Variants in DYNC2I1 observed in about 807,000 individuals in gnomAD.
DYNC2I1 encodes dynein 2 intermediate chain 1, also known as cytoplasmic dynein 2 intermediate chain 1.
DYNC2I1 carries 89 observed loss-of-function variants against 133.4 expected under a neutral mutation model. The observed-to-expected ratio is 0.67, with a 90% CI of 0.56 to 0.80. The LOEUF is 0.80. Among genes scored for constraint, DYNC2I1 ranks in the 30% least tolerant of loss-of-function variants. The pLI, the probability that DYNC2I1 is intolerant of heterozygous loss-of-function variation, is 0.00. For synonymous variants in DYNC2I1, 504 were observed against 484.3 expected (o/e 1.04, Z -0.54); for missense variants, 1,291 against 1,314.5 (o/e 0.98, Z 0.28).
At chr7:158,861,186 CCTT>C (rs1349642783) in intron 1 of DYNC2I1, among the ~76,000 whole-genome samples, 2 of 152,218 alleles carry the variant, frequency 1.3e-5, no homozygotes, top group Non-Finnish European at 2.9e-5. Context: ...AATTATGAAT[CCTT>C]CTCTGTCCTT....
Position 158,871,359 on chromosome 7 carries a change from C to G in DYNC2I1, c.287C>G (p.Ala96Gly), listed in dbSNP as rs774947834. 5 of 1,551,802 alleles carry G rather than the reference C, an allele frequency of 3.2e-6. No homozygotes were observed. The highest frequency in any genetic ancestry group is 4.4e-6 in the Non-Finnish European group (5 of 1,147,142). ...RDRQRERRRD[A>G]KDREKEKLKE... Reference sequence around the variant, plus strand: ...AGACAGAGGGAGAGGAGAAGAGACGCAAAAGACCGGGAGAAAGAAAAGCTG... The same window carrying G: ...AGACAGAGGGAGAGGAGAAGAGACGGAAAAGACCGGGAGAAAGAAAAGCTG... The change falls in exon 3 of 25, where the codon GCA (alanine) becomes GGA (glycine). Residue 96 changes from alanine to glycine, a missense_variant. Physicochemically the swap from Ala to Gly is moderately conservative, Grantham distance 60 (BLOSUM62 0). Coordinates refer to ENST00000407559, the MANE Select transcript of DYNC2I1 (RefSeq NM_018051.5).
At chr7:158,860,099 A>G (rs1225737692) in intron 1 of DYNC2I1, among the ~76,000 whole-genome samples, 2 of 150,372 alleles carry the variant, frequency 1.3e-5, no homozygotes, top group African/African-American at 4.9e-5. Context: ...CTTGTCCCCT[A>G]GGCTGGAGTG....
Position 158,927,008 on chromosome 7 carries a change from CA to C in DYNC2I1, c.2453del (p.Lys818ArgfsTer8). On this transcript the variant is annotated frameshift_variant, in exon 20 of 25. Transcript: ENST00000407559. LOFTEE classifies it high-confidence loss of function. ...TGTTTTTAGGTGGTTGTTGAATTACCAAAGGCAGACATCGCAGGTTCAATAA... is the reference window on the plus strand; with the variant it reads ...TGTTTTTAGGTGGTTGTTGAATTACCAAGGCAGACATCGCAGGTTCAATAA... ...VLNVWVVVEL[P>X]KADIAGSISD... 1 of 1,603,210 alleles carries C rather than the reference CA, an allele frequency of 6.2e-7. No homozygotes were observed. Among genetic ancestry groups the C allele is most frequent in the South Asian group, 1.1e-5 (1 of 89,164 alleles).
chr7:158,955,983 T>C (rs1413292756), intron 4 of DYNC2I1, among the ~76,000 whole-genome samples: 3 of 152,218 alleles, frequency 2.0e-5, no homozygotes, highest in Non-Finnish European at 4.4e-5. Context: ...TCTTGCAGAT[T>C]TTCTGTAATA....
chr7:158,843,412 C>G, the DYNC2I1 span, among the ~76,000 whole-genome samples: 1 of 152,130 alleles, frequency 6.6e-6, no homozygotes, highest in East Asian at 1.9e-4. Context: ...AGACACCCAC[C>G]ACAACGCCTA....
intron 23 of DYNC2I1, among the ~76,000 whole-genome samples, 192 bp downstream of exon 23, chr7:158,934,741 G>A (rs1850580042): frequency 6.6e-6 from 1 of 152,222 alleles, no homozygotes; most frequent in Admixed American, 6.5e-5. Context: ...ATGCCACTAT[G>A]CCTGGCTAAT....
chr7:158,872,519 C>A (rs1842976195), intron 3 of DYNC2I1, among the ~76,000 whole-genome samples: 1 of 151,752 alleles, frequency 6.6e-6, no homozygotes, highest in African/African-American at 2.4e-5. Context: ...CCTGTAATCC[C>A]AGCTACTCAG....
downstream of DYNC2I1, among the ~76,000 whole-genome samples, chr7:158,948,156 T>TA (rs1851948045): frequency 6.6e-6 from 1 of 152,038 alleles, no homozygotes; most frequent in Non-Finnish European, 1.5e-5. Flanking sequence ...TCGCAGCCTC[T>TA]AAAAAACACA....
At chr7:158,911,293 A>T (rs1475089645) in intron 11 of DYNC2I1, among the ~76,000 whole-genome samples, 2 of 152,218 alleles carry the variant, frequency 1.3e-5, no homozygotes, top group Admixed American at 6.5e-5. Flanking sequence ...GAACGGTCAC[A>T]CATGAGGTTC....
chr7:158,869,532 CAAGAT>C (rs1031323529), intron 1 of DYNC2I1: 5 of 491,902 alleles, frequency 1.0e-5, no homozygotes, highest in African/African-American at 9.8e-5. Flanking sequence ...CAGTCTGACA[CAAGAT>C]ATTTTAAACC....
the DYNC2I1 span, among the ~76,000 whole-genome samples, chr7:158,844,616 C>T: frequency 6.6e-6 from 1 of 151,754 alleles, no homozygotes; most frequent in African/African-American, 2.4e-5. Context: ...GGAAAAATTG[C>T]TCTCATTTTT....
rs898366378 is a variant in DYNC2I1, at chr7:158,926,305, G to A, written c.2371+5G>A. 1 of 1,608,648 alleles carries A rather than the reference G, an allele frequency of 6.2e-7. No homozygotes were observed. Among genetic ancestry groups the A allele is most frequent in the Non-Finnish European group, 8.5e-7 (1 of 1,177,176 alleles). On this transcript the variant is annotated splice_donor_5th_base_variant and intron_variant, in intron 18 of 24. Coordinates refer to ENST00000407559, the MANE Select transcript of DYNC2I1 (RefSeq NM_018051.5). Reference sequence around the variant, plus strand: ...CACCCTTTTCTACTCAAGAAGGTACGTGATTCTTCACTTTCTTAAAATCCT... The same window carrying A: ...CACCCTTTTCTACTCAAGAAGGTACATGATTCTTCACTTTCTTAAAATCCT...
chr7:158,841,200 TATATATATATATATA>T, the DYNC2I1 span, among the ~76,000 whole-genome samples: 15 of 49,426 alleles, frequency 3.0e-4, no homozygotes, highest in African/African-American at 5.9e-4. Flanking sequence ...TATATATATA[TATATATATATATATA>T]TATATATTTT....
At chr7:158,890,595 A>T (rs552733863) in intron 7 of DYNC2I1, among the ~76,000 whole-genome samples, 35 of 151,152 alleles carry the variant, frequency 2.3e-4, no homozygotes, top group Non-Finnish European at 4.3e-4. Context: ...TTGGGTAGTG[A>T]CTTCTTTTTT....
chr7:158,886,943 A>T, intron 6 of DYNC2I1, 78 bp from the exon 7 acceptor site: 1 of 1,337,810 alleles, frequency 7.5e-7, no homozygotes, highest in Non-Finnish European at 1.1e-6. Flanking sequence ...AAGAGCTTTC[A>T]CTGATATGGA....
chr7:158,920,138 C>G (rs1398692025), intron 15 of DYNC2I1, among the ~76,000 whole-genome samples: 1 of 151,628 alleles, frequency 6.6e-6, no homozygotes, highest in African/African-American at 2.4e-5. Context: ...AGCGTGTGGC[C>G]TCCGTCAGAG....
At chr7:158,909,764 G>A (rs1034228563) in intron 11 of DYNC2I1, among the ~76,000 whole-genome samples, 1 of 152,224 alleles carries the variant, frequency 6.6e-6, no homozygotes, top group African/African-American at 2.4e-5. Flanking sequence ...TCTCAAGACA[G>A]TAGAGTGAAA....
At chr7:158,943,225 C>T (rs1851549609) in intron 24 of DYNC2I1, among the ~76,000 whole-genome samples, 1 of 152,164 alleles carries the variant, frequency 6.6e-6, no homozygotes. Flanking sequence ...ACATTAAAAT[C>T]CAGACTGTGA....
downstream of DYNC2I1, chr7:158,946,326 TA>T (rs1851870159): frequency 6.6e-6 from 1 of 152,248 alleles, no homozygotes; most frequent in South Asian, 2.1e-4. Flanking sequence ...ATCATACAAG[TA>T]AATAAACTCT....
Sources: gnomAD v4.1 joint callset for allele counts (sites outside exome capture counted in the v4.1 genomes callset) on GRCh38, gnomAD v4.1.1 for gene constraint, MANE v1.5 for transcripts, NCBI Gene and HGNC (gene_info 2026-07-23, HGNC 2026-07-21) for gene names.